The following EEIG2 variants were observed in gnomAD, a reference collection of about 807,000 sequenced individuals.
EEIG2 encodes the protein family with sequence similarity 102 member B.
the EEIG2 span, among the ~76,000 whole-genome samples, chr1:108,611,754 G>T: frequency 3.9e-5 from 6 of 152,198 alleles, no homozygotes; most frequent in Non-Finnish European, 8.8e-5. Context: ...AGAATAGGGA[G>T]AGAAGGGTCT....
chr1:108,632,808 A>T, the EEIG2 span, among the ~76,000 whole-genome samples: 2 of 151,828 alleles, frequency 1.3e-5, no homozygotes, highest in East Asian at 1.9e-4. Flanking sequence ...ACCAAATGGA[A>T]TTTTTTTTTC....
chr1:108,628,364 G>A, the EEIG2 span: 2 of 1,612,110 alleles, frequency 1.2e-6, no homozygotes, highest in Non-Finnish European at 1.7e-6. Flanking sequence ...TTTGATATGA[G>A]TATTATATCC....
the EEIG2 span, among the ~76,000 whole-genome samples, chr1:108,597,544 C>T: frequency 1.3e-5 from 2 of 152,232 alleles, no homozygotes; most frequent in Non-Finnish European, 2.9e-5. Flanking sequence ...GATCAATCCT[C>T]TGCTGTGTCC....
the EEIG2 span, chr1:108,606,339 C>A: frequency 1.1e-6 from 1 of 878,550 alleles, no homozygotes; most frequent in Non-Finnish European, 1.7e-6. Flanking sequence ...GTTTACTCTT[C>A]TAATATCTGT....
At chr1:108,629,864 T>C in the EEIG2 span, 1 of 602,238 alleles carries the variant, frequency 1.7e-6, no homozygotes, top group South Asian at 1.8e-5. Flanking sequence ...TATAAATTAG[T>C]TTTTAATTTC....
At chr1:108,595,322 AGAAT>A in the EEIG2 span, among the ~76,000 whole-genome samples, 58 of 145,668 alleles carry the variant, frequency 4.0e-4, no homozygotes, top group Middle Eastern at 3.7e-3. Context: ...AGGGAGGGAA[AGAAT>A]GAAGGAAGGA....
At chr1:108,589,378 A>G in the EEIG2 span, among the ~76,000 whole-genome samples, 4 of 152,150 alleles carry the variant, frequency 2.6e-5, no homozygotes, top group Non-Finnish European at 4.4e-5. Context: ...TTACTAAAAT[A>G]TTTGAAATGT....
At chr1:108,624,550 C>T in the EEIG2 span, 4 of 869,102 alleles carry the variant, frequency 4.6e-6, no homozygotes, top group Admixed American at 7.1e-5. Context: ...CATTACCAAG[C>T]AGTCTATGCT....
At chr1:108,590,059 CA>C in the EEIG2 span, among the ~76,000 whole-genome samples, 1 of 152,126 alleles carries the variant, frequency 6.6e-6, no homozygotes, top group Admixed American at 6.5e-5. Flanking sequence ...ACAGGCTCCT[CA>C]ACCTCAAAAT....
the EEIG2 span, among the ~76,000 whole-genome samples, chr1:108,564,617 C>A: frequency 6.6e-6 from 1 of 152,066 alleles, no homozygotes; most frequent in Non-Finnish European, 1.5e-5. Context: ...TTTAGAATTT[C>A]CTTACATTGT....
At chr1:108,600,520 T>C in the EEIG2 span, 5 of 1,596,798 alleles carry the variant, frequency 3.1e-6, no homozygotes, top group East Asian at 2.2e-5. Context: ...TTTTAACATG[T>C]CATCAATAAT....
the EEIG2 span, among the ~76,000 whole-genome samples, chr1:108,605,764 T>C: frequency 6.6e-6 from 1 of 152,220 alleles, no homozygotes; most frequent in Non-Finnish European, 1.5e-5. Flanking sequence ...TAAGAGGGTT[T>C]GTACTATACT....
the EEIG2 span, among the ~76,000 whole-genome samples, chr1:108,571,423 C>T: frequency 6.6e-6 from 1 of 152,090 alleles, no homozygotes; most frequent in East Asian, 1.9e-4. Flanking sequence ...TTTGTTTAAT[C>T]CTAGAACAGA....
chr1:108,595,085 T>C, the EEIG2 span, among the ~76,000 whole-genome samples: 1 of 152,178 alleles, frequency 6.6e-6, no homozygotes, highest in East Asian at 1.9e-4. Flanking sequence ...TAATAACATA[T>C]ACGATTAGGC....
At chr1:108,569,632 T>TG in the EEIG2 span, among the ~76,000 whole-genome samples, 1 of 152,190 alleles carries the variant, frequency 6.6e-6, no homozygotes, top group African/African-American at 2.4e-5. Context: ...CTCACCTAAA[T>TG]GATTCTTAAG....
the EEIG2 span, chr1:108,629,924 G>T: frequency 2.4e-6 from 1 of 412,666 alleles, no homozygotes; most frequent in Non-Finnish European, 4.4e-6. Flanking sequence ...AGACCATTGG[G>T]AAAGTTGCAA....
the EEIG2 span, chr1:108,627,004 T>G: frequency 6.6e-6 from 1 of 152,252 alleles, no homozygotes; most frequent in African/African-American, 2.4e-5. Flanking sequence ...TGCTTCTACC[T>G]CTAAACTCTA....
chr1:108,560,916 A>G, the EEIG2 span, among the ~76,000 whole-genome samples: 1 of 152,220 alleles, frequency 6.6e-6, no homozygotes, highest in African/African-American at 2.4e-5. Flanking sequence ...CCCAAACTGC[A>G]GGAGTTCCAA....
chr1:108,596,745 G>T, the EEIG2 span, among the ~76,000 whole-genome samples: 655 of 143,934 alleles, frequency 4.6e-3, 2 homozygotes, highest in African/African-American at 0.014. Flanking sequence ...CTGTTTTTTT[G>T]TTTTTTTTTT....
Sources: gnomAD v4.1 joint callset for allele counts (sites outside exome capture counted in the v4.1 genomes callset) on GRCh38, gnomAD v4.1.1 for gene constraint, MANE v1.5 for transcripts, NCBI Gene and HGNC (gene_info 2026-07-23, HGNC 2026-07-21) for gene names.